Variants in ARHGAP12 observed in about 807,000 individuals in gnomAD.
The protein encoded by ARHGAP12 is rho GTPase-activating protein 12.
In ARHGAP12, 64 loss-of-function variants were observed where a neutral mutation model predicts 108.6. The observed-to-expected ratio is 0.59, with a 90% CI of 0.48 to 0.73. ARHGAP12 has a LOEUF of 0.73. ARHGAP12 is among the 30% of genes least tolerant of loss of function. The pLI, the probability that ARHGAP12 is intolerant of heterozygous loss-of-function variation, is 0.00. For missense variants in ARHGAP12, 940 were observed against 1,005.9 expected, an observed-to-expected ratio of 0.93 and a Z score of 0.89; for synonymous variants, 312 against 337.2, an observed-to-expected ratio of 0.93 and a Z score of 0.82.
intron 1 of ARHGAP12, among the ~76,000 whole-genome samples, chr10:31,926,708 G>T (rs1156877611): frequency 6.6e-6 from 1 of 152,102 alleles, no homozygotes. Flanking sequence ...TTAAAAATTT[G>T]TAAAGTTCAC....
intron 3 of ARHGAP12, among the ~76,000 whole-genome samples, chr10:31,896,307 T>G (rs1240590849): frequency 7.1e-6 from 1 of 141,180 alleles, no homozygotes; most frequent in Non-Finnish European, 1.5e-5. Context: ...TTTTTTACTT[T>G]GAAAAAAAAA....
At chr10:31,820,958 CAT>C (rs1218947727) in intron 11 of ARHGAP12, among the ~76,000 whole-genome samples, 1 of 152,030 alleles carries the variant, frequency 6.6e-6, no homozygotes. Flanking sequence ...CTAGACTACA[CAT>C]GACTATGTAA....
chr10:31,874,834 C>T (rs759238440), intron 3 of ARHGAP12, among the ~76,000 whole-genome samples: 3 of 151,720 alleles, frequency 2.0e-5, no homozygotes, highest in Non-Finnish European at 2.9e-5. Flanking sequence ...ATTAGCCAGG[C>T]GTGGTGGCCA....
rs1336569590 is a variant in ARHGAP12, at chr10:31,874,739, C to T, written c.685-13081G>A. ...CTGTAATCCTAGCACTTTGGGCGGC[C>T]GAGGCGTGCGGATCACCTGAGGTCA... On this transcript the variant is annotated intron_variant, in intron 3 of 19. Transcript: ENST00000344936. Among the ~76,000 whole-genome samples, 3 of 151,944 alleles carry T rather than the reference C, an allele frequency of 2.0e-5. No individual in the cohort carries two copies. The South Asian group carries it at 6.2e-4, about 32-fold the overall frequency.
At chr10:31,829,780 T>C (rs1028070129) in intron 10 of ARHGAP12, among the ~76,000 whole-genome samples, 1 of 152,220 alleles carries the variant, frequency 6.6e-6, no homozygotes, top group Non-Finnish European at 1.5e-5. Context: ...CGGCAGTTTT[T>C]CAGAGTCTTC....
chr10:31,855,661 G>C (rs1309976784), intron 4 of ARHGAP12, among the ~76,000 whole-genome samples: 1 of 152,182 alleles, frequency 6.6e-6, no homozygotes, highest in African/African-American at 2.4e-5. Context: ...CAAGCTCATA[G>C]ACGAGAAGAG....
chr10:31,922,659 T>C (rs771057861), intron 1 of ARHGAP12, among the ~76,000 whole-genome samples: 9 of 152,154 alleles, frequency 5.9e-5, no homozygotes, highest in Middle Eastern at 3.4e-3. Context: ...ATAAACAGAA[T>C]TTGTCTTTAA....
At chr10:31,895,295 C>T (rs959962926) in intron 3 of ARHGAP12, among the ~76,000 whole-genome samples, 5 of 152,142 alleles carry the variant, frequency 3.3e-5, no homozygotes, top group Admixed American at 1.3e-4. Flanking sequence ...AAGAAACTAC[C>T]ATCAGAGTGA....
Position 31,826,400 on chromosome 10 carries a change from A to T in ARHGAP12, c.1449-15T>A. ...ACCAGTTCTTTCTGTAATTATAAAG[A>T]TGACCGATTAAAGCTCCAATCTCGA... On this transcript the variant is annotated splice_polypyrimidine_tract_variant and intron_variant, in intron 10 of 19. Coordinates refer to ENST00000344936, the MANE Select transcript of ARHGAP12 (RefSeq NM_018287.7). 1.9e-6 allele frequency: 3 copies of T among 1,600,616 alleles called. No individual in the cohort carries two copies. Among genetic ancestry groups the T allele is most frequent in the Non-Finnish European group, 2.6e-6 (3 of 1,172,800 alleles).
intron 10 of ARHGAP12, among the ~76,000 whole-genome samples, chr10:31,830,123 T>A (rs538985344): frequency 6.6e-4 from 101 of 152,312 alleles, no homozygotes; most frequent in African/African-American, 2.3e-3. Context: ...TTTAAAAAAA[T>A]TATCCTTAAA....
At chr10:31,876,503 C>A (rs1384029548) in intron 3 of ARHGAP12, among the ~76,000 whole-genome samples, 10 of 145,208 alleles carry the variant, frequency 6.9e-5, no homozygotes, top group African/African-American at 2.6e-4. Context: ...AGCAAGACTC[C>A]ATCTCAAAAA....
At chr10:31,809,966 T>C (rs1377755093) in intron 16 of ARHGAP12, among the ~76,000 whole-genome samples, 2 of 152,158 alleles carry the variant, frequency 1.3e-5, no homozygotes, top group Non-Finnish European at 2.9e-5. Context: ...AAGACAATAG[T>C]GTAGTATCCC....
At chr10:31,822,658 G>C (rs1300703950) in intron 11 of ARHGAP12, among the ~76,000 whole-genome samples, 1 of 152,142 alleles carries the variant, frequency 6.6e-6, no homozygotes, top group Non-Finnish European at 1.5e-5. Context: ...TTACGATCTT[G>C]ATTAGACCCT....
At chr10:31,819,109 A>G (rs961978951) in intron 12 of ARHGAP12, among the ~76,000 whole-genome samples, 1 of 151,788 alleles carries the variant, frequency 6.6e-6, no homozygotes, top group African/African-American at 2.4e-5. Flanking sequence ...ACAAATGATA[A>G]CCCAAGTACA....
At chr10:31,881,971 G>C (rs571595856) in intron 3 of ARHGAP12, among the ~76,000 whole-genome samples, 150 of 148,360 alleles carry the variant, frequency 1.0e-3, no homozygotes, top group African/African-American at 3.5e-3. Flanking sequence ...CTGGAGTGCA[G>C]TGGCTGGATC....
chr10:31,891,839 C>T lies in ARHGAP12; in HGVS notation c.684+16333G>A, dbSNP rs566396667. On this transcript the variant is annotated intron_variant, in intron 3 of 19. Coordinates refer to ENST00000344936, the MANE Select transcript of ARHGAP12 (RefSeq NM_018287.7). ...ACTTCATTTCATTCATTTGATCCTCCATCACTGATACCTCTTCTTCCAGCT... is the reference window on the plus strand; with the variant it reads ...ACTTCATTTCATTCATTTGATCCTCTATCACTGATACCTCTTCTTCCAGCT... Among the ~76,000 whole-genome samples the T allele has an allele frequency of 3.6e-4, 55 of 152,188 alleles. 1 individual carries two copies. The South Asian group carries it at 0.011, about 30-fold the overall frequency.
chr10:31,858,814 G>A (rs917262267), intron 4 of ARHGAP12, among the ~76,000 whole-genome samples: 4 of 152,038 alleles, frequency 2.6e-5, no homozygotes, highest in Non-Finnish European at 5.9e-5. Flanking sequence ...ACAACAACAG[G>A]GAGGACAACA....
chr10:31,900,085 T>C (rs1360235913), intron 3 of ARHGAP12, among the ~76,000 whole-genome samples: 1 of 152,104 alleles, frequency 6.6e-6, no homozygotes, highest in Non-Finnish European at 1.5e-5. Context: ...CCAAAGAATA[T>C]ATAAAGATGG....
At chr10:31,830,751 AACAG>A (rs1312302676) in intron 10 of ARHGAP12, among the ~76,000 whole-genome samples, 1 of 152,192 alleles carries the variant, frequency 6.6e-6, no homozygotes, top group Non-Finnish European at 1.5e-5. Flanking sequence ...CCAATAGAAA[AACAG>A]ACAAAGGGTA....
Sources: gnomAD v4.1 joint callset for allele counts (sites outside exome capture counted in the v4.1 genomes callset) on GRCh38, gnomAD v4.1.1 for gene constraint, MANE v1.5 for transcripts, NCBI Gene and HGNC (gene_info 2026-07-23, HGNC 2026-07-21) for gene names.